Variants in TMEM108 observed in about 807,000 individuals in gnomAD.
TMEM108 encodes cancer/testis antigen 124.
TMEM108 carries 12 observed loss-of-function variants against 35.1 expected under a neutral mutation model. The observed-to-expected ratio is 0.34, with a 90% CI of 0.22 to 0.55. The LOEUF is 0.55. Among genes scored for constraint, TMEM108 ranks in the 20% least tolerant of loss-of-function variants. The probability of loss-of-function intolerance (pLI) is 0.89; values close to 1 mark genes in which losing one functional copy is unlikely to be tolerated. For missense variants in TMEM108, 680 were observed against 753.3 expected (o/e 0.90, Z 1.14); for synonymous variants, 287 against 308.6 (o/e 0.93, Z 0.73).
intron 2 of TMEM108, among the ~76,000 whole-genome samples, chr3:133,073,454 T>A (rs902711929): frequency 6.1e-5 from 9 of 147,718 alleles, no homozygotes; most frequent in African/African-American, 2.2e-4. Flanking sequence ...GGATTCTCTT[T>A]TTTTTTTTTT....
chr3:133,176,914 G>A (rs140739135), intron 2 of TMEM108, among the ~76,000 whole-genome samples: 24,384 of 151,850 alleles, frequency 0.16, 2,027 homozygotes, highest in South Asian at 0.22. Context: ...TTGATAGACC[G>A]CTAGCAAGAC....
chr3:133,285,587 A>G (rs1004985611), intron 3 of TMEM108, among the ~76,000 whole-genome samples: 1 of 152,186 alleles, frequency 6.6e-6, no homozygotes, highest in East Asian at 1.9e-4. Context: ...TAGACCTACC[A>G]CTTGCTAAAA....
rs542698135 is a variant in TMEM108, at chr3:133,085,350, C to T, written c.-47+39330C>T. 2.5e-4 allele frequency among the ~76,000 whole-genome samples: 38 copies of T among 152,290 alleles called. No homozygotes were observed. In the East Asian group the frequency reaches 6.6e-3, roughly 26 times the overall value. On this transcript the variant is annotated intron_variant, in intron 2 of 5. Coordinates refer to ENST00000321871, the MANE Select transcript of TMEM108 (RefSeq NM_023943.4). The stretch of plus-strand genomic sequence containing the variant: ...TAATTTCTTTCTCTGCCACCAAAGG[C>T]CTTGCCCACTATGGTGCTTATTCAC...
chr3:133,386,567 C>T, intron 4 of TMEM108: 1 of 1,492,236 alleles, frequency 6.7e-7, no homozygotes, highest in South Asian at 1.3e-5. Context: ...CCTGGGAACC[C>T]AAGAGAGCTT....
At chr3:133,171,439 C>T (rs1035464408) in intron 2 of TMEM108, among the ~76,000 whole-genome samples, 1 of 152,144 alleles carries the variant, frequency 6.6e-6, no homozygotes, top group Non-Finnish European at 1.5e-5. Context: ...TGCAGTGGTG[C>T]AATCATAGCT....
chr3:133,175,418 G>T (rs1440701936), intron 2 of TMEM108, among the ~76,000 whole-genome samples: 2 of 152,202 alleles, frequency 1.3e-5, no homozygotes, highest in Non-Finnish European at 2.9e-5. Context: ...AGGGCAGCCA[G>T]AGAGAAAGGT....
chr3:133,107,621 T>C (rs1328895606), intron 2 of TMEM108, among the ~76,000 whole-genome samples: 5 of 152,140 alleles, frequency 3.3e-5, no homozygotes, highest in African/African-American at 1.2e-4. Context: ...GGGGATTTAA[T>C]TGCCAGCAAG....
chr3:133,298,722 A>G (rs1947178896), intron 3 of TMEM108, among the ~76,000 whole-genome samples: 1 of 152,176 alleles, frequency 6.6e-6, no homozygotes, highest in Non-Finnish European at 1.5e-5. Context: ...CTGAGAGGTT[A>G]GGCTACCTGC....
At chr3:133,061,212 CTTT>C (rs778632376) in intron 2 of TMEM108, among the ~76,000 whole-genome samples, 5 of 129,994 alleles carry the variant, frequency 3.8e-5, no homozygotes, top group Non-Finnish European at 4.9e-5. Context: ...GGCATGTCTC[CTTT>C]TTTTTTTTTT....
At chr3:133,311,270 TG>T (rs1237397620) in intron 3 of TMEM108, among the ~76,000 whole-genome samples, 1 of 152,228 alleles carries the variant, frequency 6.6e-6, no homozygotes, top group African/African-American at 2.4e-5. Flanking sequence ...CTTGCTAGGT[TG>T]GGGAAGTTCT....
At chr3:133,288,677 A>T (rs1947019591) in intron 3 of TMEM108, among the ~76,000 whole-genome samples, 2 of 152,194 alleles carry the variant, frequency 1.3e-5, no homozygotes, top group Non-Finnish European at 2.9e-5. Context: ...ACACTTTAGG[A>T]TGCTCAGCAC....
intron 2 of TMEM108, among the ~76,000 whole-genome samples, chr3:133,079,605 A>G (rs960784110): frequency 1.3e-5 from 2 of 152,172 alleles, no homozygotes; most frequent in African/African-American, 4.8e-5. Context: ...TTGAGAGTTC[A>G]TGATCTAATC....
chr3:133,373,384 T>TA (rs1439402044), intron 3 of TMEM108, among the ~76,000 whole-genome samples: 1 of 136,204 alleles, frequency 7.3e-6, no homozygotes, highest in Non-Finnish European at 1.5e-5. Context: ...GATAGATAGA[T>TA]GATAGATAGA....
intron 3 of TMEM108, among the ~76,000 whole-genome samples, chr3:133,307,126 AGAT>A (rs1417548088): frequency 1.3e-5 from 2 of 152,146 alleles, no homozygotes; most frequent in Non-Finnish European, 2.9e-5. Flanking sequence ...TGACCAGTGA[AGAT>A]GACCATTTTC....
chr3:133,244,100 G>A (rs1477735297), intron 3 of TMEM108, among the ~76,000 whole-genome samples: 4 of 152,196 alleles, frequency 2.6e-5, no homozygotes, highest in Admixed American at 6.5e-5. Flanking sequence ...TTATAATCTC[G>A]GATCTCTCAG....
chr3:133,113,502 T>C (rs1944250941), intron 2 of TMEM108, among the ~76,000 whole-genome samples: 1 of 152,172 alleles, frequency 6.6e-6, no homozygotes, highest in African/African-American at 2.4e-5. Flanking sequence ...GAATGACTCT[T>C]TTATGCATGT....
At chr3:133,287,848 A>C (rs1014916563) in intron 3 of TMEM108, among the ~76,000 whole-genome samples, 1 of 152,234 alleles carries the variant, frequency 6.6e-6, no homozygotes, top group Non-Finnish European at 1.5e-5. Context: ...GAACACAGAT[A>C]ATCACTTAGG....
intron 3 of TMEM108, among the ~76,000 whole-genome samples, chr3:133,349,495 C>T (rs926853677): frequency 2.6e-5 from 4 of 151,866 alleles, no homozygotes; most frequent in Non-Finnish European, 5.9e-5. Context: ...AAGGAAATAG[C>T]AGAGTGAAGA....
At chr3:133,233,475 T>C (rs1946186330) in intron 3 of TMEM108, among the ~76,000 whole-genome samples, 1 of 152,236 alleles carries the variant, frequency 6.6e-6, no homozygotes, top group African/African-American at 2.4e-5. Context: ...GTCTTTGCTG[T>C]TGTGAATAGT....
Sources: allele counts gnomAD v4.1 joint callset (sites outside exome capture counted in the v4.1 genomes callset), GRCh38; gene constraint gnomAD v4.1.1; transcripts MANE v1.5; gene names NCBI Gene and HGNC (gene_info 2026-07-23, HGNC 2026-07-21).